Variants in RBFOX2 observed in about 807,000 individuals in gnomAD.
The protein encoded by RBFOX2 is RNA binding protein fox-1 homolog 2.
RBFOX2 carries 10 observed loss-of-function variants against 49.1 expected under a neutral mutation model. The ratio of observed to expected loss-of-function variants is 0.20; its 90% CI spans 0.13 to 0.35. The LOEUF (loss-of-function observed/expected upper bound fraction) is 0.35. RBFOX2 is among the 10% of genes least tolerant of loss of function. The pLI, the probability that RBFOX2 is intolerant of heterozygous loss-of-function variation, is 1.00. For synonymous variants in RBFOX2, 183 were observed against 187.4 expected (o/e 0.98, Z 0.19); for missense variants, 323 against 486.9 (o/e 0.66, Z 3.17).
At chr22:35,944,887 C>T (rs2054104756) in intron 1 of RBFOX2, among the ~76,000 whole-genome samples, 1 of 152,096 alleles carries the variant, frequency 6.6e-6, no homozygotes, top group African/African-American at 2.4e-5. Context: ...ACTAGCCTGG[C>T]CAACACAGTG....
intron 9 of RBFOX2, among the ~76,000 whole-genome samples, chr22:35,758,818 TATGAATGAATGA>T (rs142332120): frequency 6.6e-6 from 1 of 152,038 alleles, no homozygotes; most frequent in Non-Finnish European, 1.5e-5. Context: ...CCATTTGGTC[TATGAATGAATGA>T]ATGAATGAAT....
chr22:35,978,917 T>C (rs2057327794), intron 1 of RBFOX2, among the ~76,000 whole-genome samples: 1 of 152,178 alleles, frequency 6.6e-6, no homozygotes, highest in Non-Finnish European at 1.5e-5. Flanking sequence ...GGTATATATC[T>C]GTTGAGGAAC....
At chr22:35,813,258 G>C (rs1336589216) in intron 1 of RBFOX2, among the ~76,000 whole-genome samples, 1 of 152,080 alleles carries the variant, frequency 6.6e-6, no homozygotes, top group Non-Finnish European at 1.5e-5. Flanking sequence ...ATGTCAAATG[G>C]TTTCAGATTT....
upstream of RBFOX2, among the ~76,000 whole-genome samples, chr22:35,943,707 G>A (rs2053946542): frequency 6.6e-6 from 1 of 152,136 alleles, no homozygotes; most frequent in South Asian, 2.1e-4. Context: ...GACCATCGTG[G>A]CTAACACAGT....
chr22:35,873,614 A>G (rs1408216341), intron 1 of RBFOX2, among the ~76,000 whole-genome samples: 1 of 152,154 alleles, frequency 6.6e-6, no homozygotes, highest in East Asian at 1.9e-4. Context: ...AATTTTTTAC[A>G]TCCTGTGAGT....
chr22:35,996,928 G>C (rs1315707310), intron 1 of RBFOX2: 1 of 150,252 alleles, frequency 6.7e-6, no homozygotes, highest in African/African-American at 2.5e-5. Flanking sequence ...CATCAATCCT[G>C]AGGTCCTGAA....
chr22:35,970,932 TCAATAC>T (rs1017583448), intron 1 of RBFOX2, among the ~76,000 whole-genome samples: 22 of 152,072 alleles, frequency 1.4e-4, no homozygotes, highest in Non-Finnish European at 2.6e-4. Flanking sequence ...AAACTAACAG[TCAATAC>T]CAGGCATACC....
chr22:35,875,535 C>A (rs868733718), intron 1 of RBFOX2, among the ~76,000 whole-genome samples: 2 of 151,404 alleles, frequency 1.3e-5, no homozygotes, highest in African/African-American at 4.9e-5. Flanking sequence ...TCTGTACTTA[C>A]AAAAGTAACA....
chr22:35,812,821 C>T (rs541336229), intron 1 of RBFOX2, among the ~76,000 whole-genome samples: 44 of 152,332 alleles, frequency 2.9e-4, no homozygotes, highest in African/African-American at 1.0e-3. Flanking sequence ...CATTCTCCAC[C>T]CCAGCCTGCT....
At chr22:35,814,107 G>A (rs1952472873) in intron 1 of RBFOX2, among the ~76,000 whole-genome samples, 1 of 152,148 alleles carries the variant, frequency 6.6e-6, no homozygotes, top group Non-Finnish European at 1.5e-5. Flanking sequence ...AGTAACAGAG[G>A]CGATACATAT....
At chr22:35,751,045 G>A (rs1172079047) in intron 9 of RBFOX2, among the ~76,000 whole-genome samples, 7 of 151,788 alleles carry the variant, frequency 4.6e-5, no homozygotes, top group African/African-American at 9.7e-5. Flanking sequence ...ATGTTGCCAC[G>A]TTGACCACAT....
chr22:35,903,943 T>G (rs2048854803), intron 1 of RBFOX2, among the ~76,000 whole-genome samples: 1 of 139,246 alleles, frequency 7.2e-6, no homozygotes, highest in Non-Finnish European at 1.5e-5. Context: ...TCACATTACA[T>G]TTTTCTTTCC....
intron 1 of RBFOX2, among the ~76,000 whole-genome samples, chr22:35,899,650 A>G (rs1167142957): frequency 1.2e-4 from 18 of 152,146 alleles, no homozygotes; most frequent in Admixed American, 1.2e-3. Flanking sequence ...TCAAAGTCAA[A>G]TAAGGAAAGC....
intron 1 of RBFOX2, among the ~76,000 whole-genome samples, chr22:35,834,933 T>C (rs1957385760): frequency 6.6e-6 from 1 of 152,166 alleles, no homozygotes; most frequent in African/African-American, 2.4e-5. Flanking sequence ...TCTAATGAAT[T>C]AGTTTCCTGA....
intron 1 of RBFOX2, among the ~76,000 whole-genome samples, chr22:35,936,630 G>A (rs934517985): frequency 7.9e-5 from 12 of 152,128 alleles, no homozygotes; most frequent in African/African-American, 2.9e-4. Flanking sequence ...ATCAGAATGT[G>A]CCTCAAAGTA....
exon 12 of RBFOX2, chr22:35,744,073 T>G: frequency 1.3e-6 from 1 of 748,254 alleles, no homozygotes; most frequent in Non-Finnish European, 1.9e-6. Flanking sequence ...CTTTCTTTTT[T>G]TGTGTTTTTT....
At chr22:35,814,965 T>C (rs1301825510) in intron 1 of RBFOX2, among the ~76,000 whole-genome samples, 1 of 152,166 alleles carries the variant, frequency 6.6e-6, no homozygotes, top group African/African-American at 2.4e-5. Flanking sequence ...AATCCGCAGC[T>C]ACTTGAATCC....
intron 1 of RBFOX2, among the ~76,000 whole-genome samples, chr22:36,016,975 G>A (rs1168172711): frequency 1.3e-5 from 2 of 152,156 alleles, no homozygotes; most frequent in Non-Finnish European, 2.9e-5. Context: ...ATCATTTGCA[G>A]CTAAAGAGGT....
At chr22:35,789,358 C>G (rs1351356816) in intron 2 of RBFOX2, among the ~76,000 whole-genome samples, 1 of 152,072 alleles carries the variant, frequency 6.6e-6, no homozygotes, top group African/African-American at 2.4e-5. Context: ...GCCTGGCCAG[C>G]ATGGTGAAAC....
Sources: gnomAD v4.1 joint callset for allele counts (sites outside exome capture counted in the v4.1 genomes callset) on GRCh38, gnomAD v4.1.1 for gene constraint, MANE v1.5 for transcripts, NCBI Gene and HGNC (gene_info 2026-07-23, HGNC 2026-07-21) for gene names.